The following PHF19 variants were observed in gnomAD, a reference collection of about 807,000 sequenced individuals.
PHF19 encodes the protein polycomb like 3.
In PHF19, 21 loss-of-function variants were observed where a neutral mutation model predicts 79.8. That is an observed-to-expected ratio of 0.26 (90% CI 0.19 to 0.38). The LOEUF (loss-of-function observed/expected upper bound fraction) is 0.38, where lower values mean the gene tolerates loss of function less well. Among genes scored for constraint, PHF19 ranks in the 10% least tolerant of loss-of-function variants. The probability of loss-of-function intolerance (pLI) is 1.00; values close to 1 mark genes in which losing one functional copy is unlikely to be tolerated. For missense variants in PHF19, 445 were observed against 744.2 expected (o/e 0.60, Z 4.68); for synonymous variants, 273 against 296.3 (o/e 0.92, Z 0.81).
At chr9:120,883,039 A>C (rs572667008) in intron 1 of PHF19, among the ~76,000 whole-genome samples, 5 of 152,238 alleles carry the variant, frequency 3.3e-5, no homozygotes, top group South Asian at 4.2e-4. Flanking sequence ...TTCAGATTAC[A>C]GTAGAAAGCA....
upstream of PHF19, chr9:120,877,353 TC>T (rs1185467109): frequency 3.1e-6 from 3 of 980,270 alleles, no homozygotes; most frequent in African/African-American, 5.3e-5. Flanking sequence ...ATTATTGACG[TC>T]CCGCTTATGT....
chr9:120,884,491 A>G (rs972981045), intron 1 of PHF19, among the ~76,000 whole-genome samples: 19 of 152,202 alleles, frequency 1.2e-4, no homozygotes, highest in African/African-American at 4.1e-4. Flanking sequence ...GATATAACCA[A>G]CTGCCCAAGA....
upstream of PHF19, among the ~76,000 whole-genome samples, chr9:120,895,654 T>C (rs1313758178): frequency 6.6e-6 from 1 of 151,972 alleles, no homozygotes; most frequent in Admixed American, 6.6e-5. Context: ...TTTATCTAAT[T>C]AGCTATAATG....
At position 120,874,030 on chromosome 9, in the gene PHF19, T is replaced by C; in HGVS notation, c.217A>G (p.Thr73Ala). 6.2e-7 allele frequency: 1 copy of C among 1,608,376 alleles called. No homozygotes were observed. The highest frequency in any genetic ancestry group is 1.1e-5 in the South Asian group (1 of 90,892). Residue 73 changes from threonine to alanine, a missense_variant, in exon 3 of 15, where the codon ACT becomes GCT. Physicochemically the swap from Thr to Ala is moderately conservative, Grantham distance 58. This residue lies in a region of PHF19 where 167 missense variants were observed against 375.8 expected (regional missense o/e 0.44). Transcript: ENST00000373896. This position sits in a 1 kb window ranked among gnomAD's most constrained non-coding sequence, Gnocchi z 4.5. ...CAGTATTTGGAATTATCTTCGAAAG[T>C]CACGAGGCAGCTTTGCTTAGAGCTG... ...VSSSKQSCLV[T>A]FEDNSKYWVL...
At position 120,862,204 on chromosome 9, in the gene PHF19, T is replaced by C. The variant is rs562361819; in HGVS notation, c.1131-199A>G. Among the ~76,000 whole-genome samples, 2 of 152,134 alleles carry C rather than the reference T, an allele frequency of 1.3e-5. No individual in the cohort carries two copies. Among genetic ancestry groups the C allele is most frequent in the Non-Finnish European group, 2.9e-5 (2 of 67,964 alleles). On this transcript the variant is annotated intron_variant, in intron 11 of 14. Transcript: ENST00000373896. The surrounding 1 kb of genome is among the most constrained non-coding windows in gnomAD (Gnocchi z 4.6). ...GGGGTGGGAAGGTGTGGAGAAGGTATAGTGGGCAGAAAAAGAAAAGGTGCC... is the reference window on the plus strand; with the variant it reads ...GGGGTGGGAAGGTGTGGAGAAGGTACAGTGGGCAGAAAAAGAAAAGGTGCC...
At position 120,862,261 on chromosome 9, in the gene PHF19, C is replaced by T. The variant is rs935487960; in HGVS notation, c.1131-256G>A. ...GGCACATGCATCCAGATGCCCTGCC[C>T]CCCAGTGCCAGGATGAGGGGGCTCA... On this transcript the variant is annotated intron_variant, in intron 11 of 14. Transcript: ENST00000373896. The surrounding 1 kb of genome is among the most constrained non-coding windows in gnomAD (Gnocchi z 4.6). 1.3e-5 allele frequency among the ~76,000 whole-genome samples: 2 copies of T among 152,192 alleles called. No individual in the cohort carries two copies. Among genetic ancestry groups the T allele is most frequent in the Admixed American group, 6.5e-5 (1 of 15,282 alleles).
At chr9:120,895,858 G>A (rs540876810), upstream of PHF19, among the ~76,000 whole-genome samples, 1 of 152,112 alleles carries the variant, frequency 6.6e-6, no homozygotes, top group East Asian at 1.9e-4. Context: ...TCACCACGTT[G>A]GCCAGGCTGG....
In PHF19 at chr9:120,891,761, G is replaced by C. The variant is rs151067440; in HGVS notation, c.42+3027C>G. ...CCCCACAGGCCCCACCCAGTCTTCC[G>C]TGCTTGTTAGGAGAGACGGAAGCAT... On this transcript the variant is annotated intron_variant, in intron 1 of 14. Coordinates refer to the PHF19 transcript ENST00000616568. This position sits in a 1 kb window ranked among gnomAD's most constrained non-coding sequence, Gnocchi z 4.3. 2.2e-4 allele frequency among the ~76,000 whole-genome samples: 34 copies of C among 152,280 alleles called. No individual in the cohort carries two copies. The highest frequency in any genetic ancestry group is 8.2e-4 in the African/African-American group (34 of 41,554).
chr9:120,865,682 G>A (rs1283148587), intron 9 of PHF19, 28 bp downstream of exon 9: 2 of 1,613,582 alleles, frequency 1.2e-6, no homozygotes, highest in Non-Finnish European at 1.7e-6. Context: ...TCTGCCTCCT[G>A]CCACTGACAT....
chr9:120,883,563 A>G (rs1481837638), intron 1 of PHF19, among the ~76,000 whole-genome samples: 1 of 152,152 alleles, frequency 6.6e-6, no homozygotes, highest in Non-Finnish European at 1.5e-5. Context: ...GTTCGAGCCC[A>G]GCCTGGGCAA....
upstream of PHF19, among the ~76,000 whole-genome samples, chr9:120,878,108 A>G (rs1031738220): frequency 1.3e-5 from 2 of 152,216 alleles, no homozygotes; most frequent in African/African-American, 2.4e-5. Flanking sequence ...TCAAAAGGCA[A>G]TTCACAAAAG....
chr9:120,897,915 G>A (rs929845684), upstream of PHF19, among the ~76,000 whole-genome samples: 1 of 148,400 alleles, frequency 6.7e-6, no homozygotes, highest in Non-Finnish European at 1.5e-5. Context: ...GAAGGCAGAG[G>A]TTGCAGTGAG....
chr9:120,858,251 G>A lies in PHF19; in HGVS notation c.1436C>T (p.Ala479Val), dbSNP rs1308378582. The change falls in exon 15 of 15, where the codon GCC becomes GTC. Residue 479 changes from alanine (A) to valine (V), a missense_variant. This residue lies in a region of PHF19 where 125 missense variants were observed against 180.5 expected (regional missense o/e 0.69). Transcript: ENST00000373896. Reference protein sequence around the residue: ...TVGSRKRKLAAKAYMPLRAKR... With the variant: ...TVGSRKRKLAVKAYMPLRAKR... ...TGCCCGCAGGGGCATGTATGCCTTG[G>A]CTGCCAGCTTCCTCTTTCGGCTGCC... 1.3e-6 allele frequency: 2 copies of A among 1,545,722 alleles called. No homozygotes were observed. The highest frequency in any genetic ancestry group is 8.8e-7 in the Non-Finnish European group (1 of 1,141,332).
At chr9:120,859,231 C>CGT (rs779662354) in intron 14 of PHF19, among the ~76,000 whole-genome samples, 3 of 104,998 alleles carry the variant, frequency 2.9e-5, no homozygotes, top group Admixed American at 1.2e-4. Context: ...TACCATTGTC[C>CGT]TTTTTTTTTT....
intron 1 of PHF19, among the ~76,000 whole-genome samples, chr9:120,875,202 C>G (rs2046012634): frequency 6.6e-6 from 1 of 152,218 alleles, no homozygotes; most frequent in African/African-American, 2.4e-5. Flanking sequence ...CATCCCTAAC[C>G]TGAGATCTGT....
At chr9:120,898,683 G>A (rs1207137184), upstream of PHF19, among the ~76,000 whole-genome samples, 12 of 152,182 alleles carry the variant, frequency 7.9e-5, no homozygotes, top group Non-Finnish European at 1.0e-4. Context: ...GTTTGAACCT[G>A]GCATAAACTG....
In PHF19 at chr9:120,869,847, G is replaced by A; in HGVS notation, c.463C>T (p.Arg155Trp). The change falls in exon 5 of 15, where the codon CGG (arginine) becomes TGG (tryptophan). Residue 155 changes from arginine to tryptophan, a missense_variant and splice_region_variant. This residue lies in a region of PHF19 where 167 missense variants were observed against 375.8 expected (regional missense o/e 0.44). Transcript: ENST00000373896. This position sits in a 1 kb window ranked among gnomAD's most constrained non-coding sequence, Gnocchi z 5.8. ...ACTGGGGAGGATGGAAGGCTCACCCGCACAGCCAGTGCGAAGATGCAGCGT... is the reference window on the plus strand; with the variant it reads ...ACTGGGGAGGATGGAAGGCTCACCCACACAGCCAGTGCGAAGATGCAGCGT... Reference protein sequence around the residue: ...CRRCIFALAVRKGGALKKGAI... With the variant: ...CRRCIFALAVWKGGALKKGAI... 3 of 1,612,284 alleles carry A rather than the reference G, an allele frequency of 1.9e-6. No individual in the cohort carries two copies. Among genetic ancestry groups the A allele is most frequent in the Non-Finnish European group, 2.5e-6 (3 of 1,179,330 alleles).
At chr9:120,879,747 G>C (rs1184706149), upstream of PHF19, among the ~76,000 whole-genome samples, 1 of 152,196 alleles carries the variant, frequency 6.6e-6, no homozygotes, top group South Asian at 2.1e-4. Flanking sequence ...GTAGCAATCA[G>C]TTAGGTTGTG....
chr9:120,892,151 G>C (rs928527892), intron 1 of PHF19, among the ~76,000 whole-genome samples: 3 of 152,178 alleles, frequency 2.0e-5, no homozygotes, highest in African/African-American at 7.2e-5. Context: ...ACTAATTCAA[G>C]CCATTTAAGT....
Sources: gnomAD v4.1 joint callset for allele counts (sites outside exome capture counted in the v4.1 genomes callset) on GRCh38, gnomAD v4.1.1 for gene constraint, gnomAD v4.1.1 regional missense constraint, Gnocchi (gnomAD v3.1) non-coding constraint, MANE v1.5 for transcripts, NCBI Gene and HGNC (gene_info 2026-07-23, HGNC 2026-07-21) for gene names.